Variants in SUSD1 observed in about 807,000 individuals in gnomAD.
SUSD1 encodes the protein sushi domain containing 1.
In SUSD1, 65 loss-of-function variants were observed where a neutral mutation model predicts 86.9. That is an observed-to-expected ratio of 0.75 (90% CI 0.61 to 0.92). The LOEUF is 0.92. SUSD1 is among the 40% of genes least tolerant of loss of function. The probability of loss-of-function intolerance (pLI) is 0.00; values close to 1 mark genes in which losing one functional copy is unlikely to be tolerated. For synonymous variants in SUSD1, 346 were observed against 350.0 expected (o/e 0.99, Z 0.13); for missense variants, 850 against 929.7 (o/e 0.91, Z 1.11).
rs149593082 is a variant in SUSD1, at chr9:112,141,840, C to T, written c.706+480G>A. Among the ~76,000 whole-genome samples the T allele has an allele frequency of 4.7e-3, 669 of 141,482 alleles. 3 individuals carry two copies. Among genetic ancestry groups the T allele is most frequent in the African/African-American group, 0.016 (614 of 38,602 alleles). The allele number at this position is 141,482 out of a possible 152,430, so 92.8% of individuals were successfully genotyped here. ...TATAATATATGTTATTCCCACATGA[C>T]GTTTTTATATATATATGTATATATA... On this transcript the variant is annotated intron_variant, in intron 5 of 16. Transcript: ENST00000374270.
At chr9:112,085,309 T>C (rs1350252638) in intron 10 of SUSD1, among the ~76,000 whole-genome samples, 4 of 152,242 alleles carry the variant, frequency 2.6e-5, no homozygotes, top group Non-Finnish European at 5.9e-5. Flanking sequence ...ATATAATAAA[T>C]GTCAGAAAGT....
chr9:112,061,475 G>C (rs1828723066), intron 13 of SUSD1, among the ~76,000 whole-genome samples: 4 of 152,190 alleles, frequency 2.6e-5, no homozygotes, highest in Admixed American at 2.6e-4. Context: ...TTCCTGTTTT[G>C]GAGGCGCTGG....
At position 112,078,587 on chromosome 9, in the gene SUSD1, A is replaced by G; in HGVS notation, c.1704T>C (p.Ala568=). Residue 568 remains alanine (A), a synonymous_variant, in exon 12 of 17, where the codon GCT becomes GCC. Transcript: ENST00000374270. ...PGTNYNVSLR[A]LSSELPVVIS... ...TGACCACAGGAAGTTCCGAAGACAGAGCCCGGAGACTGACATTGTAGTTGG... is the reference window on the plus strand; with the variant it reads ...TGACCACAGGAAGTTCCGAAGACAGGGCCCGGAGACTGACATTGTAGTTGG... The G allele has an allele frequency of 6.2e-7, 1 of 1,613,924 alleles. No homozygotes were observed. Among genetic ancestry groups the G allele is most frequent in the Non-Finnish European group, 8.5e-7 (1 of 1,179,802 alleles).
At chr9:112,057,913 T>C (rs943067093) in intron 14 of SUSD1, among the ~76,000 whole-genome samples, 1 of 152,172 alleles carries the variant, frequency 6.6e-6, no homozygotes, top group Non-Finnish European at 1.5e-5. Context: ...TTCCTAATTA[T>C]CTAATGAATA....
chr9:112,166,479 C>T (rs1182575085), intron 1 of SUSD1, among the ~76,000 whole-genome samples: 2 of 152,150 alleles, frequency 1.3e-5, no homozygotes, highest in Non-Finnish European at 2.9e-5. Flanking sequence ...CCAGGTGGAC[C>T]ACACAGAGAG....
rs984329690 is a variant in SUSD1 at position 112,041,348 on chromosome 9, G to C, written c.*144C>G. ...AGCCACCATCTTAAATCCAGGAATG[G>C]GGCCCAGCTGGGAATGGAGAAAGTT... On this transcript the variant is annotated 3_prime_UTR_variant, in exon 17 of 17. Coordinates refer to ENST00000374270, the MANE Select transcript of SUSD1 (RefSeq NM_022486.5). The C allele has an allele frequency of 4.2e-6, 3 of 718,356 alleles. No homozygotes were observed. The highest frequency in any genetic ancestry group is 7.7e-6 in the Non-Finnish European group (3 of 389,926). 44.5% of individuals were successfully genotyped at this position (718,356 alleles called of 1,614,324 possible).
intron 12 of SUSD1, among the ~76,000 whole-genome samples, chr9:112,064,500 TG>T (rs1828884213): frequency 1.3e-5 from 2 of 152,190 alleles, no homozygotes; most frequent in East Asian, 3.8e-4. Context: ...CCAACAAGGC[TG>T]GGGACCACTG....
At chr9:112,152,199 T>C (rs1833079008) in intron 2 of SUSD1, among the ~76,000 whole-genome samples, 2 of 147,240 alleles carry the variant, frequency 1.4e-5, no homozygotes. Context: ...TGAGACTCTG[T>C]CTCAAAAAAA....
At chr9:112,144,197 G>A (rs1033604383) in intron 3 of SUSD1, among the ~76,000 whole-genome samples, 5 of 151,270 alleles carry the variant, frequency 3.3e-5, no homozygotes, top group Admixed American at 2.0e-4. Flanking sequence ...CCGAGATCAC[G>A]CCACTGCACT....
At chr9:112,082,715 T>C (rs1208416585) in intron 10 of SUSD1, among the ~76,000 whole-genome samples, 2 of 152,110 alleles carry the variant, frequency 1.3e-5, no homozygotes, top group Non-Finnish European at 2.9e-5. Context: ...GCTTTTAGTT[T>C]TTGTTTTGTT....
At position 112,098,570 on chromosome 9, in the gene SUSD1, A is replaced by G. The variant is rs1222338255; in HGVS notation, c.1374T>C (p.Cys458=). The G allele has an allele frequency of 2.5e-6, 4 of 1,614,058 alleles. No individual in the cohort carries two copies. The highest frequency in any genetic ancestry group is 3.4e-6 in the Non-Finnish European group (4 of 1,180,038). Residue 458 remains cysteine (C), a synonymous_variant, in exon 10 of 17, where the codon TGT becomes TGC. Coordinates refer to ENST00000374270, the MANE Select transcript of SUSD1 (RefSeq NM_022486.5). ...AATCAGTCGTAGGGTACAGATCCAA[A>G]CACACTACAGGCACTTGTTCCCTCG... ...FTTREQVPVV[C]LDLYPTTDYT...
chr9:112,087,292 C>T (rs1219851284), intron 10 of SUSD1, among the ~76,000 whole-genome samples: 1 of 152,182 alleles, frequency 6.6e-6, no homozygotes, highest in Admixed American at 6.5e-5. Flanking sequence ...AGTGACTCTT[C>T]TGCCTCAGCC....
At chr9:112,137,228 C>T (rs939365409) in intron 5 of SUSD1, among the ~76,000 whole-genome samples, 1 of 152,056 alleles carries the variant, frequency 6.6e-6, no homozygotes, top group African/African-American at 2.4e-5. Context: ...GGAGCAGGCA[C>T]AGCAGTGAGA....
intron 3 of SUSD1, 70 bp from the exon 4 acceptor site, chr9:112,143,693 T>C: frequency 6.9e-7 from 1 of 1,448,700 alleles, no homozygotes; most frequent in Middle Eastern, 1.8e-4. Flanking sequence ...GAGAGGATAT[T>C]GTGACAGCCA....
At chr9:112,076,189 T>C (rs981780239) in intron 12 of SUSD1, among the ~76,000 whole-genome samples, 1 of 152,208 alleles carries the variant, frequency 6.6e-6, no homozygotes. Context: ...TTGAAAGTTA[T>C]GGTGAAGACT....
chr9:112,174,991 C>T, intron 1 of SUSD1, 142 bp downstream of exon 1: 1 of 538,420 alleles, frequency 1.9e-6, no homozygotes, highest in Non-Finnish European at 2.4e-6. Flanking sequence ...CTCCAACGGC[C>T]GGCGCGGGCC....
intron 5 of SUSD1, among the ~76,000 whole-genome samples, chr9:112,138,244 T>TATATATATATATGTATATACACAC (rs1564328824): frequency 1.0e-5 from 1 of 98,292 alleles, no homozygotes; most frequent in Non-Finnish European, 1.8e-5. Context: ...TGTGTATATA[T>TATATATATATATGTATATACACAC]ATATATATAT....
chr9:112,087,383 T>C (rs1830029844), intron 10 of SUSD1, among the ~76,000 whole-genome samples: 1 of 152,136 alleles, frequency 6.6e-6, no homozygotes, highest in African/African-American at 2.4e-5. Context: ...GGTTTCACCA[T>C]GTTGGCCAGG....
At chr9:112,076,191 G>A (rs1589616990) in intron 12 of SUSD1, among the ~76,000 whole-genome samples, 1 of 152,140 alleles carries the variant, frequency 6.6e-6, no homozygotes, top group Non-Finnish European at 1.5e-5. Context: ...GAAAGTTATG[G>A]TGAAGACTAA....
Sources: allele counts gnomAD v4.1 joint callset (sites outside exome capture counted in the v4.1 genomes callset), GRCh38; gene constraint gnomAD v4.1.1; transcripts MANE v1.5; gene names NCBI Gene and HGNC (gene_info 2026-07-23, HGNC 2026-07-21).